Variants in MAGI2 observed in about 807,000 individuals in gnomAD.
The protein encoded by MAGI2 is membrane-associated guanylate kinase, WW and PDZ domain-containing protein 2.
In MAGI2, 35 loss-of-function variants were observed where a neutral mutation model predicts 133.3. The ratio of observed to expected loss-of-function variants is 0.26; its 90% CI spans 0.20 to 0.35. The LOEUF (loss-of-function observed/expected upper bound fraction) is 0.35, where lower values mean the gene tolerates loss of function less well. Ranked by LOEUF, MAGI2 falls within the 10% of genes least tolerant of loss-of-function variation. The probability of loss-of-function intolerance (pLI) is 1.00; values close to 1 mark genes in which losing one functional copy is unlikely to be tolerated. For missense variants in MAGI2, 1,636 were observed against 1,863.4 expected, an observed-to-expected ratio of 0.88 and a Z score of 2.25; for synonymous variants, 729 against 710.6, an observed-to-expected ratio of 1.03 and a Z score of -0.41.
chr7:79,183,830 G>T (rs978454600), intron 1 of MAGI2, among the ~76,000 whole-genome samples: 1 of 151,834 alleles, frequency 6.6e-6, no homozygotes, highest in African/African-American at 2.4e-5. Context: ...TCTGTCATTT[G>T]TGACAACATG....
At chr7:78,909,206 T>C (rs1798206295) in intron 2 of MAGI2, among the ~76,000 whole-genome samples, 1 of 149,692 alleles carries the variant, frequency 6.7e-6, no homozygotes, top group South Asian at 2.1e-4. Flanking sequence ...AACAAACATA[T>C]AAAAAGAAGC....
chr7:78,439,536 G>C (rs1368905960), intron 6 of MAGI2, among the ~76,000 whole-genome samples: 1 of 152,026 alleles, frequency 6.6e-6, no homozygotes, highest in Non-Finnish European at 1.5e-5. Context: ...TTGAGGAGGG[G>C]GCACAGCAAG....
chr7:78,109,427 T>C (rs866725024), intron 20 of MAGI2, among the ~76,000 whole-genome samples: 37 of 141,628 alleles, frequency 2.6e-4, no homozygotes, highest in African/African-American at 9.3e-4. Flanking sequence ...GGTCAGAAGA[T>C]CGAGACCATC....
intron 10 of MAGI2, among the ~76,000 whole-genome samples, chr7:78,218,936 C>T (rs986121644): frequency 5.9e-5 from 9 of 152,120 alleles, no homozygotes; most frequent in Non-Finnish European, 1.3e-4. Flanking sequence ...TCATCATAGC[C>T]GACATTTTGT....
chr7:78,980,810 G>C lies in MAGI2; in HGVS notation c.418+26280C>G, dbSNP rs367651635. ...GTTTTTTTAAATATTGGAGTATATT[G>C]TTTACTAGTTATTTCAGAGAAGGTG... On this transcript the variant is annotated intron_variant, in intron 2 of 21. Coordinates refer to ENST00000354212, the MANE Select transcript of MAGI2 (RefSeq NM_012301.4). Among the ~76,000 whole-genome samples, 12 of 149,434 alleles carry C rather than the reference G, an allele frequency of 8.0e-5. No homozygotes were observed. The South Asian group carries it at 2.7e-3, about 34-fold the overall frequency.
chr7:79,136,003 GAGA>G lies in MAGI2; in HGVS notation c.302-128800_302-128798del, dbSNP rs1821412987. 2.0e-3 allele frequency among the ~76,000 whole-genome samples: 83 copies of G among 40,918 alleles called. 2 individuals carry two copies. Among genetic ancestry groups the G allele is most frequent in the South Asian group, 5.5e-3 (7 of 1,266 alleles). The allele number at this position is 40,918 out of a possible 152,430, so 26.8% of individuals were successfully genotyped here. A position where few individuals can be genotyped will look rare whatever the true frequency, so the allele number is the denominator to read the frequency against. The stretch of plus-strand genomic sequence containing the variant: ...AGAAAGAAAGAAAGAAAGAAAGAAA[GAGA>G]AAGAAAGAAAGAAAGAAAGAAGGAA... On this transcript the variant is annotated intron_variant, in intron 1 of 21. Transcript: ENST00000354212.
At chr7:78,992,477 T>G (rs1337826461) in intron 2 of MAGI2, among the ~76,000 whole-genome samples, 3 of 152,038 alleles carry the variant, frequency 2.0e-5, no homozygotes, top group African/African-American at 7.2e-5. Flanking sequence ...GACCATTTTT[T>G]TTTGCATTAA....
chr7:79,129,179 G>A (rs1375698510), intron 1 of MAGI2, among the ~76,000 whole-genome samples: 2 of 152,102 alleles, frequency 1.3e-5, no homozygotes, highest in Non-Finnish European at 2.9e-5. Context: ...CACCTCAAAT[G>A]TGCTCAGAAC....
intron 2 of MAGI2, chr7:78,901,471 A>T (rs1797616316): frequency 6.6e-6 from 1 of 152,214 alleles, no homozygotes; most frequent in African/African-American, 2.4e-5. Context: ...TCATTATATC[A>T]TCATTGTTAA....
chr7:78,738,595 T>C (rs1214342111), intron 2 of MAGI2, among the ~76,000 whole-genome samples: 3 of 152,146 alleles, frequency 2.0e-5, no homozygotes, highest in Non-Finnish European at 4.4e-5. Flanking sequence ...TTTTATGATA[T>C]TGGTATGATT....
At chr7:78,487,765 G>A (rs865806051) in intron 6 of MAGI2, among the ~76,000 whole-genome samples, 1 of 151,960 alleles carries the variant, frequency 6.6e-6, no homozygotes, top group Non-Finnish European at 1.5e-5. Context: ...TATCATCATC[G>A]GAGCCTCTAC....
At chr7:79,256,772 T>C (rs757676216) in intron 1 of MAGI2, among the ~76,000 whole-genome samples, 1 of 152,086 alleles carries the variant, frequency 6.6e-6, no homozygotes, top group Non-Finnish European at 1.5e-5. Flanking sequence ...ATTACAGGCA[T>C]GAGCCACCAC....
intron 9 of MAGI2, among the ~76,000 whole-genome samples, chr7:78,339,094 A>T (rs887059869): frequency 1.3e-5 from 2 of 152,206 alleles, no homozygotes; most frequent in African/African-American, 4.8e-5. Context: ...ATTTTGTTAC[A>T]ATTACGTGTT....
chr7:78,219,722 A>C (rs909894410), intron 10 of MAGI2, among the ~76,000 whole-genome samples: 1 of 152,084 alleles, frequency 6.6e-6, no homozygotes, highest in African/African-American at 2.4e-5. Flanking sequence ...CCAATCCAGA[A>C]ACCTGGGGCT....
intron 2 of MAGI2, among the ~76,000 whole-genome samples, chr7:78,707,194 A>T (rs1818741132): frequency 6.6e-6 from 1 of 152,170 alleles, no homozygotes; most frequent in South Asian, 2.1e-4. Context: ...TAAAGAATAA[A>T]TTAGCAAAGA....
At chr7:79,256,321 C>G (rs1470191487) in intron 1 of MAGI2, among the ~76,000 whole-genome samples, 1 of 152,124 alleles carries the variant, frequency 6.6e-6, no homozygotes, top group Non-Finnish European at 1.5e-5. Flanking sequence ...TACCAGACTA[C>G]ATGCAGCATG....
At chr7:78,790,885 T>A (rs570530226) in intron 2 of MAGI2, among the ~76,000 whole-genome samples, 1 of 152,168 alleles carries the variant, frequency 6.6e-6, no homozygotes, top group African/African-American at 2.4e-5. Flanking sequence ...AAGAAATTAA[T>A]CTTTGAGGAA....
At chr7:78,277,056 G>C (rs1157933909) in intron 9 of MAGI2, among the ~76,000 whole-genome samples, 3 of 152,040 alleles carry the variant, frequency 2.0e-5, no homozygotes, top group Non-Finnish European at 4.4e-5. Flanking sequence ...ACTACTAGTT[G>C]TAGTTTCTAA....
chr7:79,284,926 T>C (rs1835897551), intron 1 of MAGI2, among the ~76,000 whole-genome samples: 1 of 152,026 alleles, frequency 6.6e-6, no homozygotes, highest in Non-Finnish European at 1.5e-5. Flanking sequence ...TATACATCTG[T>C]ATGGGCTGAA....
Sources: gnomAD v4.1 joint callset for allele counts (sites outside exome capture counted in the v4.1 genomes callset) on GRCh38, gnomAD v4.1.1 for gene constraint, MANE v1.5 for transcripts, NCBI Gene and HGNC (gene_info 2026-07-23, HGNC 2026-07-21) for gene names.